TMEM132D: variants seen among roughly 807,000 people sequenced by gnomAD.
TMEM132D encodes transmembrane protein 132D.
Under a neutral mutation model 62.3 loss-of-function variants are expected in TMEM132D, and 21 were observed. The observed-to-expected ratio is 0.34, with a 90% CI of 0.24 to 0.49. The LOEUF is 0.49. Among genes scored for constraint, TMEM132D ranks in the 20% least tolerant of loss-of-function variants. The pLI is 0.99. For missense variants in TMEM132D, 1,346 were observed against 1,402.8 expected (o/e 0.96, Z 0.65); for synonymous variants, 621 against 575.6 (o/e 1.08, Z -1.13).
chr12:129,520,105 T>C (rs1399951968), intron 3 of TMEM132D, among the ~76,000 whole-genome samples: 1 of 152,224 alleles, frequency 6.6e-6, no homozygotes, highest in Non-Finnish European at 1.5e-5. Context: ...TGTAAGACAG[T>C]GTTCAGTGAG....
At chr12:129,129,770 T>A in intron 5 of TMEM132D, among the ~76,000 whole-genome samples, 1 of 152,310 alleles carries the variant, frequency 6.6e-6, no homozygotes, top group South Asian at 2.1e-4. Flanking sequence ...CATGTTCTTG[T>A]TGGCCGCTCG....
chr12:129,282,293 C>A (rs984191585), intron 4 of TMEM132D, among the ~76,000 whole-genome samples: 3 of 152,154 alleles, frequency 2.0e-5, no homozygotes, highest in Admixed American at 2.0e-4. Flanking sequence ...TATCCCTCCC[C>A]CTAGTTCCAA....
At chr12:129,409,656 A>G (rs1323600637) in intron 3 of TMEM132D, among the ~76,000 whole-genome samples, 2 of 152,236 alleles carry the variant, frequency 1.3e-5, no homozygotes, top group Non-Finnish European at 2.9e-5. Flanking sequence ...CAATTCCTAT[A>G]AAATAAATAA....
intron 2 of TMEM132D, among the ~76,000 whole-genome samples, chr12:129,661,817 GACA>G (rs1381486177): frequency 1.3e-5 from 2 of 152,144 alleles, no homozygotes; most frequent in Non-Finnish European, 2.9e-5. Context: ...TGATTGGTCA[GACA>G]ACAAGATTTT....
At chr12:129,899,406 CATGGATGGATGGATGG>C (rs373344068) in intron 1 of TMEM132D, among the ~76,000 whole-genome samples, 1 of 102,658 alleles carries the variant, frequency 9.7e-6, no homozygotes, top group Non-Finnish European at 2.0e-5. Context: ...TGGATGGATG[CATGGATGGATGGATGG>C]ATGGATGGAT....
chr12:129,267,819 C>T lies in TMEM132D; in HGVS notation c.1300-58156G>A, dbSNP rs1377746515. ...CTACAGTAATCAAAACAGCATGGTA[C>T]TGGTACCAAAACAGAGATATAGATC... On this transcript the variant is annotated intron_variant, in intron 4 of 8. Coordinates refer to ENST00000422113, the MANE Select transcript of TMEM132D (RefSeq NM_133448.3). Among the ~76,000 whole-genome samples, 3 of 152,186 alleles carry T rather than the reference C, an allele frequency of 2.0e-5. No individual in the cohort carries two copies. The South Asian group carries it at 6.2e-4, about 32-fold the overall frequency.
At chr12:129,125,592 C>T (rs900838988) in intron 5 of TMEM132D, among the ~76,000 whole-genome samples, 1 of 150,862 alleles carries the variant, frequency 6.6e-6, no homozygotes, top group Non-Finnish European at 1.5e-5. Flanking sequence ...GCAGCCTCAA[C>T]CTGCTGGGCT....
At chr12:129,725,212 G>C (rs2398475) in intron 1 of TMEM132D, among the ~76,000 whole-genome samples, 124,122 of 152,066 alleles carry the variant, frequency 0.82, 51,342 homozygotes, top group Non-Finnish European at 0.9. Flanking sequence ...CACAAGTATC[G>C]TTTAATAAGC....
At chr12:129,236,246 G>C (rs1879780142) in intron 4 of TMEM132D, among the ~76,000 whole-genome samples, 1 of 151,852 alleles carries the variant, frequency 6.6e-6, no homozygotes, top group African/African-American at 2.4e-5. Context: ...GCCGGGTGCA[G>C]TGGCTCACGC....
At chr12:129,781,508 C>T (rs1348988375) in intron 1 of TMEM132D, among the ~76,000 whole-genome samples, 2 of 152,148 alleles carry the variant, frequency 1.3e-5, no homozygotes, top group Non-Finnish European at 2.9e-5. Flanking sequence ...CAATAGCTTA[C>T]ATAAGACACA....
intron 4 of TMEM132D, among the ~76,000 whole-genome samples, chr12:129,263,562 G>A (rs930889530): frequency 6.6e-6 from 1 of 152,010 alleles, no homozygotes; most frequent in African/African-American, 2.4e-5. Flanking sequence ...ATCTAAGGAG[G>A]CCACAGTGAT....
chr12:129,372,953 G>A (rs2128284), intron 3 of TMEM132D, among the ~76,000 whole-genome samples: 99,971 of 151,934 alleles, frequency 0.66, 33,339 homozygotes, highest in Middle Eastern at 0.71. Context: ...TTCCTGGTGC[G>A]GTTCCTGGGG....
Position 129,474,456 on chromosome 12 carries a change from C to T in TMEM132D, c.1115+56603G>A, listed in dbSNP as rs192565373. Among the ~76,000 whole-genome samples the T allele has an allele frequency of 3.3e-5, 5 of 152,248 alleles. No individual in the cohort carries two copies. In the East Asian group the frequency reaches 9.7e-4, roughly 29 times the overall value. On this transcript the variant is annotated intron_variant, in intron 3 of 8. Transcript: ENST00000422113. Reference sequence around the variant, plus strand: ...GAGCTATTTTGCCCAAGTTCACAGACCACAAGTAGGATCACTGGTGCTCAA... The same window carrying T: ...GAGCTATTTTGCCCAAGTTCACAGATCACAAGTAGGATCACTGGTGCTCAA...
At position 129,455,524 on chromosome 12, in the gene TMEM132D, G is replaced by C. The variant is rs529062245; in HGVS notation, c.1115+75535C>G. On this transcript the variant is annotated intron_variant, in intron 3 of 8. Coordinates refer to ENST00000422113, the MANE Select transcript of TMEM132D (RefSeq NM_133448.3). ...ATTTGATGACAAAACATAAATAGTA[G>C]TAAAAACATGAAAGAGAATGAAAAT... Among the ~76,000 whole-genome samples the C allele has an allele frequency of 5.6e-4, 86 of 152,292 alleles. 1 individual carries two copies. Among genetic ancestry groups the C allele is most frequent in the African/African-American group, 2.0e-3 (82 of 41,548 alleles).
intron 3 of TMEM132D, among the ~76,000 whole-genome samples, chr12:129,382,830 T>C (rs117451573): frequency 0.028 from 4,294 of 152,262 alleles, 87 homozygotes; most frequent in Middle Eastern, 0.054. Flanking sequence ...GGAGAAGTCC[T>C]AGTTTGATTT....
At chr12:129,173,317 C>T (rs1877791082) in intron 5 of TMEM132D, among the ~76,000 whole-genome samples, 1 of 152,164 alleles carries the variant, frequency 6.6e-6, no homozygotes, top group African/African-American at 2.4e-5. Context: ...GGGCTGTTTT[C>T]AGCAAAACTA....
intron 1 of TMEM132D, among the ~76,000 whole-genome samples, chr12:129,704,323 G>T (rs1010829082): frequency 6.6e-6 from 1 of 152,180 alleles, no homozygotes; most frequent in Non-Finnish European, 1.5e-5. Context: ...AAGAGCAAAG[G>T]CCATGGGCCA....
At chr12:129,166,686 C>T (rs200759408) in intron 5 of TMEM132D, among the ~76,000 whole-genome samples, 5,295 of 130,828 alleles carry the variant, frequency 0.04, 202 homozygotes, top group East Asian at 0.14. Flanking sequence ...TATATATACA[C>T]ATACACACAC....
chr12:129,114,664 C>G (rs1395996930), intron 5 of TMEM132D, among the ~76,000 whole-genome samples: 3 of 152,170 alleles, frequency 2.0e-5, no homozygotes, highest in African/African-American at 7.2e-5. Flanking sequence ...CCCTCGCATG[C>G]CCCTGCAGCC....
Sources: gnomAD v4.1 joint callset for allele counts (sites outside exome capture counted in the v4.1 genomes callset) on GRCh38, gnomAD v4.1.1 for gene constraint, MANE v1.5 for transcripts, NCBI Gene and HGNC (gene_info 2026-07-23, HGNC 2026-07-21) for gene names.